Variants in AAGAB observed in about 807,000 individuals in gnomAD.
AAGAB encodes alpha- and gamma-adaptin-binding protein p34.
In AAGAB, 38 loss-of-function variants were observed where a neutral mutation model predicts 44.1. The observed-to-expected ratio is 0.86, with a 90% CI of 0.67 to 1.13. The LOEUF (loss-of-function observed/expected upper bound fraction) is 1.13, where lower values mean the gene tolerates loss of function less well. Ranked by LOEUF, AAGAB falls within the 50% of genes most tolerant of loss-of-function variation. The pLI, the probability that AAGAB is intolerant of heterozygous loss-of-function variation, is 0.00. For synonymous variants in AAGAB, 131 were observed against 131.8 expected, an observed-to-expected ratio of 0.99 and a Z score of 0.04; for missense variants, 450 against 373.8, an observed-to-expected ratio of 1.20 and a Z score of -1.68.
intron 5 of AAGAB, among the ~76,000 whole-genome samples, chr15:67,223,576 C>A (rs1455803566): frequency 3.3e-5 from 5 of 152,054 alleles, no homozygotes; most frequent in African/African-American, 1.2e-4. Flanking sequence ...CCAATCTGAG[C>A]CATCACTCTC....
rs768894480 is a variant in AAGAB, at chr15:67,201,177, CTT to C, written c.*1642_*1643del. ...ATCTTTTAAGGAAAACATGTTCCAC[CTT>C]TTTTTTTTTTTTGCAATCCCAGAGC... On this transcript the variant is annotated 3_prime_UTR_variant, in exon 10 of 10. Transcript: ENST00000261880. 2.9e-4 allele frequency: 41 copies of C among 139,478 alleles called. No homozygotes were observed. The highest frequency in any genetic ancestry group is 1.0e-3 in the East Asian group (5 of 5,002). 8.6% of individuals were successfully genotyped at this position (139,478 alleles called of 1,614,324 possible).
chr15:67,214,095 T>G lies in AAGAB; in HGVS notation c.536-4551A>C, dbSNP rs567736679. Among the ~76,000 whole-genome samples the G allele has an allele frequency of 3.9e-5, 6 of 152,326 alleles. No individual in the cohort carries two copies. In the South Asian group the frequency reaches 1.2e-3, roughly 32 times the overall value. On this transcript the variant is annotated intron_variant, in intron 5 of 9. Transcript: ENST00000261880. ...GAGGTCTTGATAACATGTAAAGAGTTGAGACATGGACAATGTTTTGATGCA... is the reference window on the plus strand; with the variant it reads ...GAGGTCTTGATAACATGTAAAGAGTGGAGACATGGACAATGTTTTGATGCA...
rs1963587536 is a variant in AAGAB, at chr15:67,202,370, A to G, written c.*451T>C. The G allele has an allele frequency of 6.3e-6, 1 of 158,392 alleles. No individual in the cohort carries two copies. The highest frequency in any genetic ancestry group is 6.1e-5 in the Admixed American group (1 of 16,362). 9.8% of individuals were successfully genotyped at this position (158,392 alleles called of 1,614,324 possible). A position where few individuals can be genotyped will look rare whatever the true frequency, so the allele number is the denominator to read the frequency against. Reference sequence around the variant, plus strand: ...TGCCTCCTTTCCTCCCAATAAAAGCATCATAGCTCAGAGCTACAAGCTCCT... The same window carrying G: ...TGCCTCCTTTCCTCCCAATAAAAGCGTCATAGCTCAGAGCTACAAGCTCCT... On this transcript the variant is annotated 3_prime_UTR_variant, in exon 10 of 10. Transcript: ENST00000261880.
intron 3 of AAGAB, among the ~76,000 whole-genome samples, 159 bp from the exon 4 acceptor site, chr15:67,236,227 G>A (rs1964460272): frequency 6.6e-6 from 1 of 151,882 alleles, no homozygotes; most frequent in Non-Finnish European, 1.5e-5. Context: ...CAGCCCCGAA[G>A]TATCCATTCT....
chr15:67,249,315 G>A (rs776669474), intron 1 of AAGAB, among the ~76,000 whole-genome samples: 17 of 152,132 alleles, frequency 1.1e-4, no homozygotes, highest in African/African-American at 9.7e-5. Context: ...GATTACAGGC[G>A]TGAGCCACCA....
intron 5 of AAGAB, among the ~76,000 whole-genome samples, chr15:67,225,052 A>G (rs1290687861): frequency 6.6e-6 from 1 of 152,222 alleles, no homozygotes; most frequent in Admixed American, 6.5e-5. Context: ...CCATGGCTGT[A>G]TATTTGAATC....
At chr15:67,203,000 G>T in intron 9 of AAGAB, 102 bp from the exon 10 acceptor site, 3 of 1,051,254 alleles carry the variant, frequency 2.9e-6, no homozygotes, top group South Asian at 1.3e-5. Context: ...TCTGCACTTT[G>T]CCCTCCAGTC....
Position 67,236,743 on chromosome 15 carries a change from T to C in AAGAB, c.151A>G (p.Asn51Asp), listed in dbSNP as rs1964478807. Residue 51 changes from asparagine (N) to aspartate (D), a missense_variant, in exon 2 of 10, where the codon AAT (asparagine) becomes GAT (aspartate). Transcript: ENST00000261880. Reference protein sequence around the residue: ...AVRFYPWTIDNKYYSADINLC... With the variant: ...AVRFYPWTIDDKYYSADINLC... The stretch of plus-strand genomic sequence containing the variant: ...TTGATGTCTGCTGAATAGTATTTAT[T>C]ATCAATGGTCCAGGGATAAAATCTC... 2.5e-6 allele frequency: 4 copies of C among 1,613,516 alleles called. No individual in the cohort carries two copies. Among genetic ancestry groups the C allele is most frequent in the Non-Finnish European group, 2.5e-6 (3 of 1,179,554 alleles).
At chr15:67,229,948 G>A (rs1964296552) in intron 5 of AAGAB, among the ~76,000 whole-genome samples, 1 of 152,050 alleles carries the variant, frequency 6.6e-6, no homozygotes, top group Admixed American at 6.5e-5. Flanking sequence ...CCTGGTTCAA[G>A]TGATTCTCCT....
chr15:67,230,303 G>A (rs968166953), intron 5 of AAGAB, among the ~76,000 whole-genome samples: 42 of 152,152 alleles, frequency 2.8e-4, no homozygotes, highest in African/African-American at 9.2e-4. Context: ...CACCAAATTC[G>A]TATGCTGAAG....
chr15:67,250,085 T>G (rs1424200335), intron 1 of AAGAB, among the ~76,000 whole-genome samples: 1 of 152,232 alleles, frequency 6.6e-6, no homozygotes, highest in Admixed American at 6.5e-5. Context: ...TATCTAAAGT[T>G]CCTTCTAGGG....
upstream of AAGAB, chr15:67,254,725 C>T: frequency 2.1e-6 from 3 of 1,398,508 alleles, no homozygotes; most frequent in Non-Finnish European, 2.0e-6. Flanking sequence ...CCGGAGAGGG[C>T]GTTCTCGGAA....
At chr15:67,231,419 T>G (rs965422969) in intron 5 of AAGAB, among the ~76,000 whole-genome samples, 1 of 152,230 alleles carries the variant, frequency 6.6e-6, no homozygotes, top group African/African-American at 2.4e-5. Flanking sequence ...TTTCTGATTT[T>G]ATGCACTTTA....
chr15:67,222,436 C>G (rs1964105247), intron 5 of AAGAB, among the ~76,000 whole-genome samples: 1 of 152,060 alleles, frequency 6.6e-6, no homozygotes, highest in Non-Finnish European at 1.5e-5. Flanking sequence ...CCTCTCTCCT[C>G]AAATCCTAAC....
chr15:67,254,547 C>G lies in AAGAB; in HGVS notation c.73+12G>C. The G allele has an allele frequency of 6.2e-7, 1 of 1,602,314 alleles. No individual in the cohort carries two copies. The highest frequency in any genetic ancestry group is 8.5e-7 in the Non-Finnish European group (1 of 1,175,330). On this transcript the variant is annotated intron_variant, in intron 1 of 9. Transcript: ENST00000261880. Reference sequence around the variant, plus strand: ...GGGCCTTGGAGGTCGGCCCAGGCGCCTATCTACTCACGTTGGACCAGCTGG... The same window carrying G: ...GGGCCTTGGAGGTCGGCCCAGGCGCGTATCTACTCACGTTGGACCAGCTGG...
chr15:67,210,032 T>C (rs1021881679), intron 5 of AAGAB, among the ~76,000 whole-genome samples: 15 of 152,116 alleles, frequency 9.9e-5, no homozygotes, highest in African/African-American at 3.6e-4. Flanking sequence ...TGGAAAATAA[T>C]AGCAGGGCCA....
chr15:67,219,015 T>C (rs558405266), intron 5 of AAGAB, among the ~76,000 whole-genome samples: 1 of 152,310 alleles, frequency 6.6e-6, no homozygotes, highest in African/African-American at 2.4e-5. Flanking sequence ...TGAGAAGTCG[T>C]ACCTTTAATG....
chr15:67,250,851 C>G (rs1357926033), intron 1 of AAGAB, among the ~76,000 whole-genome samples: 1 of 152,028 alleles, frequency 6.6e-6, no homozygotes, highest in Non-Finnish European at 1.5e-5. Context: ...ACAGTGAAAC[C>G]CCGTCTCTAC....
In AAGAB at chr15:67,208,606, C is replaced by T. The variant is rs957325140; in HGVS notation, c.671G>A (p.Gly224Asp). 2 of 1,614,178 alleles carry T rather than the reference C, an allele frequency of 1.2e-6. No individual in the cohort carries two copies. Among genetic ancestry groups the T allele is most frequent in the Non-Finnish European group, 1.7e-6 (2 of 1,180,034 alleles). ...DSTESLSDHRGGASNTTDAQV... is the reference protein window; with the variant it reads ...DSTESLSDHRDGASNTTDAQV... ...GGCATCTGTTGTGTTAGATGCACCA[C>T]CCCGATGATCAGAGAGGGATTCAGT... The change falls in exon 7 of 10, where the codon GGT (glycine) becomes GAT (aspartate). Residue 224 changes from glycine (G) to aspartate (D), a missense_variant. Gly to Asp is a moderately conservative substitution (Grantham distance 94, BLOSUM62 -1). Coordinates refer to ENST00000261880, the MANE Select transcript of AAGAB (RefSeq NM_024666.5).
Sources: gnomAD v4.1 joint callset for allele counts (sites outside exome capture counted in the v4.1 genomes callset) on GRCh38, gnomAD v4.1.1 for gene constraint, MANE v1.5 for transcripts, NCBI Gene and HGNC (gene_info 2026-07-23, HGNC 2026-07-21) for gene names.